The following PIP4K2A variants were observed in gnomAD, a reference collection of about 807,000 sequenced individuals.
PIP4K2A encodes phosphatidylinositol-5-phosphate 4-kinase type 2 alpha.
A neutral mutation model predicts 42.9 loss-of-function variants in PIP4K2A; 14 were observed. The ratio of observed to expected loss-of-function variants is 0.33; its 90% CI spans 0.22 to 0.51. The LOEUF is 0.51. PIP4K2A is among the 20% of genes least tolerant of loss of function. The pLI, the probability that PIP4K2A is intolerant of heterozygous loss-of-function variation, is 0.97. For missense variants in PIP4K2A, 434 were observed against 519.8 expected (o/e 0.83, Z 1.61); for synonymous variants, 192 against 192.2 (o/e 1.00, Z 0.01).
At chr10:22,626,706 G>A (rs965433846) in intron 1 of PIP4K2A, among the ~76,000 whole-genome samples, 1 of 152,030 alleles carries the variant, frequency 6.6e-6, no homozygotes, top group Non-Finnish European at 1.5e-5. Flanking sequence ...AAAGTATAGG[G>A]GTGTGGTTTA....
chr10:22,712,191 CACTT>C (rs1318532438), intron 1 of PIP4K2A, among the ~76,000 whole-genome samples: 5 of 152,300 alleles, frequency 3.3e-5, no homozygotes, highest in Admixed American at 2.6e-4. Flanking sequence ...CACTATGAAA[CACTT>C]AAGTAGTTTC....
intron 1 of PIP4K2A, among the ~76,000 whole-genome samples, chr10:22,616,641 C>T (rs561942073): frequency 2.6e-5 from 4 of 152,112 alleles, no homozygotes; most frequent in Admixed American, 1.3e-4. Flanking sequence ...AAGATATCTG[C>T]CTGAAATTTA....
chr10:22,552,426 C>G (rs996064653), intron 6 of PIP4K2A, among the ~76,000 whole-genome samples: 1 of 151,990 alleles, frequency 6.6e-6, no homozygotes, highest in Non-Finnish European at 1.5e-5. Flanking sequence ...CTAGACTTAC[C>G]CCCTAAATCT....
chr10:22,630,328 C>T (rs900535966), intron 1 of PIP4K2A, among the ~76,000 whole-genome samples: 2 of 148,608 alleles, frequency 1.3e-5, no homozygotes, highest in Non-Finnish European at 2.9e-5. Context: ...ATGATTTACA[C>T]TGTCCCTGAT....
intron 3 of PIP4K2A, among the ~76,000 whole-genome samples, chr10:22,596,838 T>C (rs1162371838): frequency 1.3e-5 from 2 of 152,230 alleles, no homozygotes; most frequent in Non-Finnish European, 2.9e-5. Context: ...CTGGTGTACA[T>C]GGAGGGCCCT....
intron 6 of PIP4K2A, among the ~76,000 whole-genome samples, chr10:22,561,340 TATGCTA>T (rs1836688966): frequency 6.6e-6 from 1 of 152,210 alleles, no homozygotes; most frequent in South Asian, 2.1e-4. Context: ...TCTTCATGAT[TATGCTA>T]ATGCAAATCA....
At chr10:22,684,067 C>CT (rs546524869) in intron 1 of PIP4K2A, among the ~76,000 whole-genome samples, 2 of 152,026 alleles carry the variant, frequency 1.3e-5, no homozygotes, top group African/African-American at 4.8e-5. Context: ...AGAATGTAGT[C>CT]TTTTTCCCCC....
chr10:22,677,138 C>T (rs879880394), intron 1 of PIP4K2A, among the ~76,000 whole-genome samples: 2 of 152,090 alleles, frequency 1.3e-5, no homozygotes, highest in Non-Finnish European at 2.9e-5. Flanking sequence ...ACATGTTTTG[C>T]ATGTACATGT....
chr10:22,544,244 T>C lies in PIP4K2A; in HGVS notation c.793-2197A>G, dbSNP rs1482138308. 2.0e-5 allele frequency among the ~76,000 whole-genome samples: 3 copies of C among 148,860 alleles called. No individual in the cohort carries two copies. The East Asian group carries it at 6.0e-4, about 30-fold the overall frequency. ...TTCCCGTCAGAATGACCTGTGGGCC[T>C]GGGGTTTCAGAAGCCTATTTGAAAA... On this transcript the variant is annotated intron_variant, in intron 7 of 9. Transcript: ENST00000376573.
chr10:22,654,271 G>A (rs1436497933), intron 1 of PIP4K2A, among the ~76,000 whole-genome samples: 1 of 152,114 alleles, frequency 6.6e-6, no homozygotes, highest in Non-Finnish European at 1.5e-5. Context: ...TCCTCAAGGT[G>A]AGCTGGACAC....
At chr10:22,658,774 G>A (rs1484893606) in intron 1 of PIP4K2A, among the ~76,000 whole-genome samples, 1 of 152,194 alleles carries the variant, frequency 6.6e-6, no homozygotes, top group Non-Finnish European at 1.5e-5. Flanking sequence ...ATCTCAAAAA[G>A]TCTGCAGAGC....
intron 7 of PIP4K2A, among the ~76,000 whole-genome samples, chr10:22,542,312 T>TGGCTGGATTTTATCAGATAGCAA (rs6143823): frequency 6.6e-6 from 1 of 151,634 alleles, no homozygotes; most frequent in Admixed American, 6.6e-5. Context: ...TATCACAGGG[T>TGGCTGGATTTTATCAGATAGCAA]GGCTGGATTT....
At chr10:22,664,135 A>G (rs1190193911) in intron 1 of PIP4K2A, among the ~76,000 whole-genome samples, 6 of 46,238 alleles carry the variant, frequency 1.3e-4, no homozygotes, top group East Asian at 1.1e-3. Flanking sequence ...ATATACATAT[A>G]TATATACATA....
At chr10:22,540,104 G>A in intron 8 of PIP4K2A, 30 bp from the exon 9 acceptor site, 4 of 1,022,136 alleles carry the variant, frequency 3.9e-6, no homozygotes, top group Non-Finnish European at 6.0e-6. Context: ...ATGACTGTGG[G>A]ACATGTGACA....
intron 1 of PIP4K2A, among the ~76,000 whole-genome samples, chr10:22,673,652 A>T (rs866978571): frequency 1.3e-5 from 2 of 152,016 alleles, no homozygotes; most frequent in African/African-American, 4.8e-5. Flanking sequence ...AATAAAAAAT[A>T]AAAAAAATAA....
In PIP4K2A at chr10:22,569,302, TG is replaced by T. The variant is rs956862166; in HGVS notation, c.640-1414del. On this transcript the variant is annotated intron_variant, in intron 5 of 9. Coordinates refer to ENST00000376573, the MANE Select transcript of PIP4K2A (RefSeq NM_005028.5). ...CTGCTGGCCCAGGGAAAATGTTCAATGTTTCTCAGGGCGATTCAGAGCAGCC... is the reference window on the plus strand; with the variant it reads ...CTGCTGGCCCAGGGAAAATGTTCAATTTTCTCAGGGCGATTCAGAGCAGCC... 3.4e-4 allele frequency among the ~76,000 whole-genome samples: 52 copies of T among 152,274 alleles called. 1 individual carries two copies. Among genetic ancestry groups the T allele is most frequent in the African/African-American group, 1.1e-3 (46 of 41,536 alleles).
At chr10:22,567,972 G>A (rs1031535662) in intron 5 of PIP4K2A, 83 bp from the exon 6 acceptor site, 38 of 1,234,076 alleles carry the variant, frequency 3.1e-5, no homozygotes, top group Non-Finnish European at 3.7e-5. Flanking sequence ...GGCTCCAGGC[G>A]GAGCAGAGAG....
At chr10:22,680,093 A>G (rs1008481462) in intron 1 of PIP4K2A, among the ~76,000 whole-genome samples, 3 of 152,120 alleles carry the variant, frequency 2.0e-5, no homozygotes, top group Non-Finnish European at 4.4e-5. Context: ...CTGTCTTTAA[A>G]AAGGATTCCT....
At chr10:22,549,943 T>C (rs1233241270) in intron 7 of PIP4K2A, among the ~76,000 whole-genome samples, 1 of 144,760 alleles carries the variant, frequency 6.9e-6, no homozygotes, top group Non-Finnish European at 1.5e-5. Flanking sequence ...AATGAGCAAA[T>C]CCAATGGAAA....
Sources: gnomAD v4.1 joint callset for allele counts (sites outside exome capture counted in the v4.1 genomes callset) on GRCh38, gnomAD v4.1.1 for gene constraint, MANE v1.5 for transcripts, NCBI Gene and HGNC (gene_info 2026-07-23, HGNC 2026-07-21) for gene names.